The following PHF3 variants were observed in gnomAD, a reference collection of about 807,000 sequenced individuals.
PHF3 encodes PHD finger protein 3.
PHF3 carries 41 observed loss-of-function variants against 178.4 expected under a neutral mutation model. The ratio of observed to expected loss-of-function variants is 0.23; its 90% CI spans 0.18 to 0.30. PHF3 has a LOEUF of 0.30. Among genes scored for constraint, PHF3 ranks in the 10% least tolerant of loss-of-function variants. PHF3 has a pLI of 1.00. For synonymous variants in PHF3, 842 were observed against 800.5 expected (o/e 1.05, Z -0.88); for missense variants, 2,346 against 2,398.1 (o/e 0.98, Z 0.45).
chr6:63,670,703 G>A (rs1561953967), intron 2 of PHF3, among the ~76,000 whole-genome samples: 1 of 152,198 alleles, frequency 6.6e-6, no homozygotes, highest in Non-Finnish European at 1.5e-5. Context: ...ATGCACTCAT[G>A]CATTTGTTCA....
chr6:63,723,760 C>G lies in PHF3; in HGVS notation c.*10052C>G. Among the ~76,000 whole-genome samples, 1 of 150,540 alleles carries G rather than the reference C, an allele frequency of 6.6e-6. No homozygotes were observed. Among genetic ancestry groups the G allele is most frequent in the East Asian group, 1.9e-4 (1 of 5,144 alleles). ...TTTCATTGCGTTAGGATATGATGCT[C>G]TAGTTATGGGTCATAAGTACACATT... On this transcript the variant is annotated 3_prime_UTR_variant, in exon 16 of 16. Coordinates refer to ENST00000262043, the MANE Select transcript of PHF3 (RefSeq NM_001370348.2).
chr6:63,703,403 AAAAC>A (rs1249412426), intron 10 of PHF3, 129 bp from the exon 11 acceptor site: 6 of 947,824 alleles, frequency 6.3e-6, no homozygotes, highest in Non-Finnish European at 9.2e-6. Context: ...AAAAAACCAA[AAAAC>A]AAAAATCAAA....
At chr6:63,703,011 G>A (rs1251931323) in intron 10 of PHF3, among the ~76,000 whole-genome samples, 2 of 152,176 alleles carry the variant, frequency 1.3e-5, no homozygotes, top group East Asian at 3.8e-4. Context: ...CCAAGTAGTT[G>A]GGATTACAGG....
intron 2 of PHF3, among the ~76,000 whole-genome samples, chr6:63,675,911 C>A (rs1473963537): frequency 6.6e-6 from 1 of 152,166 alleles, no homozygotes; most frequent in East Asian, 1.9e-4. Flanking sequence ...TCATCTGATT[C>A]TCTGCTTTGT....
chr6:63,680,940 C>T (rs1766408583), intron 3 of PHF3, among the ~76,000 whole-genome samples: 1 of 152,002 alleles, frequency 6.6e-6, no homozygotes, highest in Admixed American at 6.6e-5. Context: ...TTCCTATTTC[C>T]TCTTTCTGGA....
At chr6:63,707,847 G>GTTTGTTTTTGTTTTTTTGTT (rs1554111508) in intron 13 of PHF3, among the ~76,000 whole-genome samples, 1 of 147,962 alleles carries the variant, frequency 6.8e-6, no homozygotes, top group Non-Finnish European at 1.5e-5. Context: ...GCAGTTGTGG[G>GTTTGTTTTTGTTTTTTTGTT]TTTGTTTTTG....
chr6:63,643,288 CTG>C (rs1190856084), intron 1 of PHF3, among the ~76,000 whole-genome samples: 1 of 152,142 alleles, frequency 6.6e-6, no homozygotes, highest in Non-Finnish European at 1.5e-5. Context: ...CACTTTGTAT[CTG>C]AAACTGATTT....
chr6:63,665,490 T>TTTG (rs1561950608), intron 2 of PHF3, among the ~76,000 whole-genome samples: 1 of 144,932 alleles, frequency 6.9e-6, no homozygotes, highest in Non-Finnish European at 1.5e-5. Flanking sequence ...TTTTTTGTTT[T>TTTG]TTTTTTTTTT....
At chr6:63,707,102 G>A (rs528219321) in intron 13 of PHF3, among the ~76,000 whole-genome samples, 21 of 152,320 alleles carry the variant, frequency 1.4e-4, no homozygotes, top group African/African-American at 2.2e-4. Flanking sequence ...TTCCCAAGAT[G>A]TACTGCCTCA....
At chr6:63,665,344 C>G (rs980050675) in intron 2 of PHF3, among the ~76,000 whole-genome samples, 5 of 151,844 alleles carry the variant, frequency 3.3e-5, no homozygotes, top group African/African-American at 1.2e-4. Flanking sequence ...TTTTGTAAAC[C>G]AAAAATGTGT....
Position 63,713,648 on chromosome 6 carries a change from G to A in PHF3, c.6060G>A (p.Lys2020=). The A allele has an allele frequency of 1.9e-6, 3 of 1,610,444 alleles. No individual in the cohort carries two copies. Among genetic ancestry groups the A allele is most frequent in the Non-Finnish European group, 2.5e-6 (3 of 1,178,986 alleles). The change falls in exon 16 of 16, where the codon AAG becomes AAA. Residue 2020 remains lysine (K), a synonymous_variant. Transcript: ENST00000262043. ...AAAGTAAACACAGAGAAGGAGAAAA[G>A]GACAGGGATAGGTACCACAAAGATA... ...REKSKHREGE[K]DRDRYHKDRD...
chr6:63,655,326 G>T (rs1263817635), intron 2 of PHF3, among the ~76,000 whole-genome samples: 2 of 151,958 alleles, frequency 1.3e-5, no homozygotes, highest in South Asian at 4.2e-4. Flanking sequence ...ATCCACCTGC[G>T]TTGGCTTCCC....
At chr6:63,697,825 A>G (rs1767297191) in intron 6 of PHF3, among the ~76,000 whole-genome samples, 1 of 152,204 alleles carries the variant, frequency 6.6e-6, no homozygotes, top group Non-Finnish European at 1.5e-5. Context: ...GATGCTTGGG[A>G]ATTAGTAATG....
rs1185290423 is a variant in PHF3 at position 63,717,525 on chromosome 6, T to TAGA, written c.*3818_*3819insGAA. 6.8e-6 allele frequency among the ~76,000 whole-genome samples: 1 copy of TAGA among 147,570 alleles called. No individual in the cohort carries two copies. The highest frequency in any genetic ancestry group is 2.6e-5 in the African/African-American group (1 of 39,196). ...AATTCTTTGATTTCTGTTTCACAAT[T>TAGA]ATAGTAATATGTAGAGCAAAAAAGT... On this transcript the variant is annotated 3_prime_UTR_variant, in exon 16 of 16. Coordinates refer to ENST00000262043, the MANE Select transcript of PHF3 (RefSeq NM_001370348.2).
In PHF3 at chr6:63,714,798, T is replaced by G. The variant is rs1012221105; in HGVS notation, c.*1090T>G. 3 of 152,080 alleles carry G rather than the reference T, an allele frequency of 2.0e-5. No individual in the cohort carries two copies. The highest frequency in any genetic ancestry group is 2.9e-5 in the Non-Finnish European group (2 of 67,974). 9.4% of individuals were successfully genotyped at this position (152,080 alleles called of 1,614,324 possible). A position where few individuals can be genotyped will look rare whatever the true frequency, so the allele number is the denominator to read the frequency against. On this transcript the variant is annotated 3_prime_UTR_variant, in exon 16 of 16. Transcript: ENST00000262043. The stretch of plus-strand genomic sequence containing the variant: ...AGACCGCAGAACTTGAAGAGAAATA[T>G]GTTTTGAATCCTTTTATAAAATGTG...
In PHF3 at chr6:63,723,744, G is replaced by T. The variant is rs1768499846; in HGVS notation, c.*10036G>T. Among the ~76,000 whole-genome samples the T allele has an allele frequency of 6.6e-6, 1 of 151,210 alleles. No individual in the cohort carries two copies. Among genetic ancestry groups the T allele is most frequent in the South Asian group, 2.1e-4 (1 of 4,808 alleles). ...ATCATAGACTTTTAAATTTCATTGC[G>T]TTAGGATATGATGCTCTAGTTATGG... On this transcript the variant is annotated 3_prime_UTR_variant, in exon 16 of 16. Transcript: ENST00000262043.
At chr6:63,658,707 T>TC (rs1159461184) in intron 2 of PHF3, among the ~76,000 whole-genome samples, 3 of 108,426 alleles carry the variant, frequency 2.8e-5, no homozygotes, top group African/African-American at 1.2e-4. Context: ...ACCAATAGAT[T>TC]TTGTGTGTGT....
rs758286628 is a variant in PHF3, at chr6:63,685,294, T to C, written c.1572T>C (p.Asn524=). The change falls in exon 4 of 16, where the codon AAT becomes AAC. Residue 524 remains asparagine (N), a synonymous_variant. Transcript: ENST00000262043. ...YEVIHSKTKV[N]VKSVKRNTDV... Reference sequence around the variant, plus strand: ...TAATACATAGCAAAACTAAAGTTAATGTCAAAAGTGTGAAACGAAATACTG... The same window carrying C: ...TAATACATAGCAAAACTAAAGTTAACGTCAAAAGTGTGAAACGAAATACTG... 2 of 1,613,918 alleles carry C rather than the reference T, an allele frequency of 1.2e-6. No individual in the cohort carries two copies. The highest frequency in any genetic ancestry group is 4.5e-5 in the East Asian group (2 of 44,886).
chr6:63,676,466 G>A (rs1350321347), intron 2 of PHF3, among the ~76,000 whole-genome samples: 2 of 152,200 alleles, frequency 1.3e-5, no homozygotes, highest in Non-Finnish European at 2.9e-5. Flanking sequence ...AGTAAAACCT[G>A]AAGGAAGGGA....
Sources: allele counts gnomAD v4.1 joint callset (sites outside exome capture counted in the v4.1 genomes callset), GRCh38; gene constraint gnomAD v4.1.1; transcripts MANE v1.5; gene names NCBI Gene and HGNC (gene_info 2026-07-23, HGNC 2026-07-21).